The following TONSL variants were observed in gnomAD, a reference collection of about 807,000 sequenced individuals.
The protein encoded by TONSL is tonsoku-like protein.
Under a neutral mutation model 147.1 loss-of-function variants are expected in TONSL, and 112 were observed. That is an observed-to-expected ratio of 0.76 (90% CI 0.65 to 0.89). The LOEUF (loss-of-function observed/expected upper bound fraction) is 0.89. TONSL is among the 40% of genes least tolerant of loss of function. The probability of loss-of-function intolerance (pLI) is 0.00; values close to 1 mark genes in which losing one functional copy is unlikely to be tolerated. For synonymous variants in TONSL, 868 were observed against 801.5 expected, an observed-to-expected ratio of 1.08 and a Z score of -1.40; for missense variants, 1,883 against 1,864.6, an observed-to-expected ratio of 1.01 and a Z score of -0.18.
intron 2 of TONSL, 41 bp downstream of exon 2, chr8:144,444,139 G>A: frequency 7.4e-7 from 1 of 1,347,922 alleles, no homozygotes; most frequent in Non-Finnish European, 9.5e-7. Context: ...CCCGGGCCCG[G>A]GCCCCGGCCC....
At position 144,436,365 on chromosome 8, in the gene TONSL, C is replaced by T. The variant is rs546911071; in HGVS notation, c.2068G>A (p.Glu690Lys). Residue 690 changes from glutamate (E) to lysine (K), a missense_variant, in exon 17 of 26, where the codon GAG (glutamate) becomes AAG (lysine). Coordinates refer to ENST00000409379, the MANE Select transcript of TONSL (RefSeq NM_013432.5). ...HTPSSLLFDP[E>K]TSPPLSPCPE... ...CAGGGGCTCAAAGGAGGAGAGGTCT[C>T]GGGGTCAAACAGAAGGCTGCTTGGG... 8.6e-6 allele frequency: 13 copies of T among 1,503,010 alleles called. No homozygotes were observed. The highest frequency in any genetic ancestry group is 5.6e-5 in the African/African-American group (4 of 71,808). The allele number at this position is 1,503,010 out of a possible 1,614,324, so 93.1% of individuals were successfully genotyped here.
Position 144,444,235 on chromosome 8 carries a change from C to A in TONSL, c.66G>T (p.Gln22His), listed in dbSNP as rs1177231106. 1.4e-6 allele frequency: 2 copies of A among 1,456,834 alleles called. No homozygotes were observed. Among genetic ancestry groups the A allele is most frequent in the Non-Finnish European group, 1.8e-6 (2 of 1,107,258 alleles). The allele number at this position is 1,456,834 out of a possible 1,614,324, so 90.2% of individuals were successfully genotyped here. A position where few individuals can be genotyped will look rare whatever the true frequency, so the allele number is the denominator to read the frequency against. The change falls in exon 2 of 26, where the codon CAG becomes CAT. Residue 22 changes from glutamine (Q) to histidine (H), a missense_variant. Physicochemically the swap from Gln to His is conservative, Grantham distance 24 (BLOSUM62 0). Coordinates refer to ENST00000409379, the MANE Select transcript of TONSL (RefSeq NM_013432.5). ...KAKAKAQRAG[Q>H]RREEAALCHQ... The stretch of plus-strand genomic sequence containing the variant: ...GGCACAGCGCGGCCTCTTCGCGCCG[C>A]TGCCCGGCCCTCTGCGCCTTGGCTT...
At chr8:144,438,907 C>T (rs1480433901) in intron 11 of TONSL, 172 bp from the exon 12 acceptor site, 5 of 665,764 alleles carry the variant, frequency 7.5e-6, no homozygotes, top group Non-Finnish European at 1.3e-5. Context: ...CCAGCGCTGC[C>T]TCCATGTCTC....
At position 144,434,455 on chromosome 8, in the gene TONSL, G is replaced by A. The variant is rs555337121; in HGVS notation, c.3086-176C>T. On this transcript the variant is annotated intron_variant, in intron 20 of 25. Transcript: ENST00000409379. Reference sequence around the variant, plus strand: ...GCACTGTGAGGCCCTGGGGGCCGGGGTGGGTCTGCAGCACCCTGAGCTCCA... The same window carrying A: ...GCACTGTGAGGCCCTGGGGGCCGGGATGGGTCTGCAGCACCCTGAGCTCCA... Among the ~76,000 whole-genome samples the A allele has an allele frequency of 2.2e-3, 330 of 152,216 alleles. 5 individuals are homozygous for A. The highest frequency in any genetic ancestry group is 6.6e-3 in the African/African-American group (276 of 41,542).
chr8:144,440,584 C>G, intron 9 of TONSL, 108 bp from the exon 10 acceptor site: 1 of 1,519,986 alleles, frequency 6.6e-7, no homozygotes, highest in Non-Finnish European at 8.8e-7. Context: ...GGCCTCCCAG[C>G]TGCCGAGGGT....
chr8:144,434,925 C>T (rs749676805), intron 19 of TONSL, 36 bp from the exon 20 acceptor site: 3 of 1,612,418 alleles, frequency 1.9e-6, no homozygotes, highest in South Asian at 1.1e-5. Flanking sequence ...TGGGGGCTCC[C>T]CCGGCTCACC....
rs1485407943 is a variant in TONSL at position 144,444,044 on chromosome 8, G to C, written c.122-20C>G. 6.7e-7 allele frequency: 1 copy of C among 1,502,832 alleles called. No homozygotes were observed. The highest frequency in any genetic ancestry group is 2.0e-5 in the Admixed American group (1 of 49,012). 93.1% of individuals were successfully genotyped at this position (1,502,832 alleles called of 1,614,324 possible). A position where few individuals can be genotyped will look rare whatever the true frequency, so the allele number is the denominator to read the frequency against. Reference sequence around the variant, plus strand: ...AGCGGCCTAGGCGGGGGCACAGCACGGCCTGGCAGGCGTCGCGGGTGCGAG... The same window carrying C: ...AGCGGCCTAGGCGGGGGCACAGCACCGCCTGGCAGGCGTCGCGGGTGCGAG... On this transcript the variant is annotated intron_variant, in intron 2 of 25. Coordinates refer to ENST00000409379, the MANE Select transcript of TONSL (RefSeq NM_013432.5).
chr8:144,438,605 T>C, intron 12 of TONSL, 45 bp from the exon 13 acceptor site: 1 of 1,526,740 alleles, frequency 6.5e-7, no homozygotes. Flanking sequence ...CGTGAGGAGC[T>C]GGCAGGGCTG....
Position 144,440,130 on chromosome 8 carries a change from C to G in TONSL, c.1371G>C (p.Arg457=), listed in dbSNP as rs539584411. 1.7e-5 allele frequency: 28 copies of G among 1,612,396 alleles called. No homozygotes were observed. In the South Asian group the frequency reaches 3.1e-4, roughly 18 times the overall value. ...QEAPETETRL[R]ELSVAEDEDE... ...CTTCATCTTCAGCTACACTGAGCTC[C>G]CGTAGTCTGGTTTCGGTCTCAGGGG... Residue 457 remains arginine, a synonymous_variant, in exon 11 of 26, where the codon CGG becomes CGC. Coordinates refer to ENST00000409379, the MANE Select transcript of TONSL (RefSeq NM_013432.5).
chr8:144,429,102 A>G lies in TONSL; in HGVS notation c.*41T>C. The G allele has an allele frequency of 6.7e-7, 1 of 1,483,556 alleles. No individual in the cohort carries two copies. The highest frequency in any genetic ancestry group is 8.9e-7 in the Non-Finnish European group (1 of 1,122,226). 91.9% of individuals were successfully genotyped at this position (1,483,556 alleles called of 1,614,324 possible). ...CCGCGCCCGGCCAGCAGCTTCATTT[A>G]TTAGGGGCTTCGGTGAGGGTGGGGA... is the stretch of plus-strand genomic sequence containing the variant. On this transcript the variant is annotated 3_prime_UTR_variant, in exon 26 of 26. Coordinates refer to ENST00000409379, the MANE Select transcript of TONSL (RefSeq NM_013432.5).
At chr8:144,430,273 CA>C in intron 25 of TONSL, 130 bp downstream of exon 25, 1 of 1,155,924 alleles carries the variant, frequency 8.7e-7, no homozygotes, top group Non-Finnish European at 1.2e-6. Context: ...CCTGCTGCCC[CA>C]GCCTCATGGA....
chr8:144,432,438 C>G lies in TONSL; in HGVS notation c.3582G>C (p.Leu1194=). The change falls in exon 23 of 26, where the codon CTG becomes CTC. Residue 1194 remains leucine, a synonymous_variant. Coordinates refer to ENST00000409379, the MANE Select transcript of TONSL (RefSeq NM_013432.5). ...AFQDAEHLKT[L]SLSYNALGAP... ...CTCCCAGGGCGTTGTAGGACAGGGA[C>G]AGGGTCTTCAGGTGCTCAGCATCTG... The G allele has an allele frequency of 1.3e-6, 2 of 1,558,470 alleles. No homozygotes were observed. The highest frequency in any genetic ancestry group is 1.7e-6 in the Non-Finnish European group (2 of 1,153,622).
chr8:144,439,232 C>T (rs558672879), intron 11 of TONSL, among the ~76,000 whole-genome samples: 12 of 152,252 alleles, frequency 7.9e-5, no homozygotes, highest in Non-Finnish European at 1.3e-4. Context: ...GTCCCTGCTT[C>T]GGGTGACCCC....
chr8:144,432,167 C>T (rs1823229495), intron 23 of TONSL, 118 bp downstream of exon 23: 2 of 1,158,674 alleles, frequency 1.7e-6, no homozygotes, highest in East Asian at 2.4e-5. Flanking sequence ...CTAACTCTCT[C>T]TGTAGAGCCC....
At chr8:144,436,505 G>T (rs2129645370) in intron 16 of TONSL, 53 bp downstream of exon 16, 1 of 1,585,556 alleles carries the variant, frequency 6.3e-7, no homozygotes, top group East Asian at 2.2e-5. Flanking sequence ...TCAGGGCCCG[G>T]GGACTCTCAG....
intron 11 of TONSL, 189 bp from the exon 12 acceptor site, chr8:144,438,924 C>T: frequency 1.6e-6 from 1 of 635,992 alleles, no homozygotes; most frequent in Non-Finnish European, 2.8e-6. Flanking sequence ...TCTCCCTGAC[C>T]CTGCTGGGAC....
rs782055496 is a variant in TONSL, at chr8:144,430,584, TGTGCCCCAACACTA to T, written c.3810-61_3810-48del. Reference sequence around the variant, plus strand: ...TGCAAAGGTTGGCTTCCAGAGAGGCTGTGCCCCAACACTAGGAAAGCTGCCCAGACAAATGCCAG... The same window carrying T: ...TGCAAAGGTTGGCTTCCAGAGAGGCTGGAAAGCTGCCCAGACAAATGCCAG... On this transcript the variant is annotated intron_variant, in intron 24 of 25. Coordinates refer to ENST00000409379, the MANE Select transcript of TONSL (RefSeq NM_013432.5). The T allele has an allele frequency of 8.9e-6, 14 of 1,566,314 alleles. No individual in the cohort carries two copies. The African/African-American group carries it at 1.8e-4, about 20-fold the overall frequency.
At position 144,435,961 on chromosome 8, in the gene TONSL, G is replaced by A. The variant is rs1354484453; in HGVS notation, c.2472C>T (p.Leu824=). 2.8e-5 allele frequency: 43 copies of A among 1,560,354 alleles called. No homozygotes were observed. Among genetic ancestry groups the A allele is most frequent in the Non-Finnish European group, 3.6e-5 (42 of 1,152,780 alleles). Residue 824 remains leucine (L), a synonymous_variant, in exon 17 of 26, where the codon CTC becomes CTT. Transcript: ENST00000409379. The part of the protein sequence containing the change: ...HSKALAPQAA[L]IPEEECLAGD... ...CGGCCAGGCACTCCTCCTCCGGGAT[G>A]AGCGCTGCCTGGGGGGCAAGGGCTT...
intron 25 of TONSL, among the ~76,000 whole-genome samples, chr8:144,429,546 C>T (rs1554878190): frequency 6.6e-6 from 1 of 152,196 alleles, no homozygotes; most frequent in Non-Finnish European, 1.5e-5. Context: ...GGAAGGGTGG[C>T]TCCCTTCTTT....
Sources: allele counts gnomAD v4.1 joint callset (sites outside exome capture counted in the v4.1 genomes callset), GRCh38; gene constraint gnomAD v4.1.1; transcripts MANE v1.5; gene names NCBI Gene and HGNC (gene_info 2026-07-23, HGNC 2026-07-21).